CPED1: variants seen among roughly 807,000 people sequenced by gnomAD.
CPED1 encodes cadherin like and PC-esterase domain containing 1, also known as cadherin-like and PC-esterase domain-containing protein 1.
A neutral mutation model predicts 128.2 loss-of-function variants in CPED1; 114 were observed. That is an observed-to-expected ratio of 0.89 (90% CI 0.76 to 1.04). The LOEUF (loss-of-function observed/expected upper bound fraction) is 1.04. CPED1 is among the 50% of genes least tolerant of loss of function. The pLI is 0.00. For synonymous variants in CPED1, 462 were observed against 426.7 expected (o/e 1.08, Z -1.02); for missense variants, 1,211 against 1,207.1 (o/e 1.00, Z -0.05).
rs1796272256 is a variant in CPED1, at chr7:120,989,426, C to T, written c.-196C>T. The stretch of plus-strand genomic sequence containing the variant: ...TTTGACTGTCATCCATGGAAGAGCT[C>T]TTATTAAAAGCCTCAGACTTTCGGG... On this transcript the variant is annotated 5_prime_UTR_variant, in exon 2 of 23. Coordinates refer to ENST00000310396, the MANE Select transcript of CPED1 (RefSeq NM_024913.5). 9.8e-6 allele frequency: 6 copies of T among 610,250 alleles called. No individual in the cohort carries two copies. The highest frequency in any genetic ancestry group is 1.1e-5 in the Non-Finnish European group (4 of 352,546). The allele number at this position is 610,250 out of a possible 1,614,324, so 37.8% of individuals were successfully genotyped here.
chr7:121,081,699 A>G (rs141228436), intron 5 of CPED1, among the ~76,000 whole-genome samples: 2 of 152,334 alleles, frequency 1.3e-5, no homozygotes, highest in African/African-American at 4.8e-5. Context: ...AAGTAAGTGC[A>G]ACTTAGAGAT....
intron 22 of CPED1, among the ~76,000 whole-genome samples, chr7:121,283,230 C>T (rs909070834): frequency 6.6e-6 from 1 of 152,184 alleles, no homozygotes; most frequent in Non-Finnish European, 1.5e-5. Context: ...TTATATAGAA[C>T]TACCTTATTT....
chr7:121,102,120 A>G (rs1794864392), intron 7 of CPED1, among the ~76,000 whole-genome samples: 1 of 151,962 alleles, frequency 6.6e-6, no homozygotes, highest in Admixed American at 6.6e-5. Flanking sequence ...ATTTTTTACC[A>G]TATTTCCTCT....
At chr7:121,196,768 A>G (rs895878287) in intron 16 of CPED1, among the ~76,000 whole-genome samples, 11 of 152,040 alleles carry the variant, frequency 7.2e-5, no homozygotes, top group South Asian at 4.1e-4. Context: ...GACAGAGAAT[A>G]GATGAGACCG....
intron 16 of CPED1, among the ~76,000 whole-genome samples, chr7:121,191,396 G>C (rs1797135668): frequency 6.6e-6 from 1 of 152,134 alleles, no homozygotes; most frequent in Admixed American, 6.6e-5. Flanking sequence ...GATTTCGAAG[G>C]ACCAGTACAA....
chr7:121,273,767 G>T (rs1465377732), intron 22 of CPED1, among the ~76,000 whole-genome samples: 3 of 152,108 alleles, frequency 2.0e-5, no homozygotes, highest in African/African-American at 7.2e-5. Context: ...TTAAGCTGTA[G>T]GATACTGTGT....
chr7:121,143,120 A>C (rs1584544083), intron 16 of CPED1, among the ~76,000 whole-genome samples: 1 of 152,014 alleles, frequency 6.6e-6, no homozygotes, highest in East Asian at 1.9e-4. Flanking sequence ...CTAATTTAGG[A>C]ATTACCACTA....
intron 5 of CPED1, among the ~76,000 whole-genome samples, chr7:121,067,441 A>G (rs1793866082): frequency 6.6e-6 from 1 of 152,138 alleles, no homozygotes; most frequent in Non-Finnish European, 1.5e-5. Flanking sequence ...AAGGACATGA[A>G]TTCATCATTT....
At chr7:121,111,384 A>T (rs1795103907) in intron 7 of CPED1, among the ~76,000 whole-genome samples, 1 of 152,198 alleles carries the variant, frequency 6.6e-6, no homozygotes, top group Non-Finnish European at 1.5e-5. Flanking sequence ...TCCTGGTGTG[A>T]CAGGGAGGTT....
intron 7 of CPED1, among the ~76,000 whole-genome samples, chr7:121,101,228 T>C (rs1794842452): frequency 6.6e-6 from 1 of 152,044 alleles, no homozygotes; most frequent in Non-Finnish European, 1.5e-5. Flanking sequence ...TAATCACTTG[T>C]TCCCTTTTTT....
At chr7:121,056,192 G>A (rs1585043678) in intron 4 of CPED1, among the ~76,000 whole-genome samples, 1 of 152,182 alleles carries the variant, frequency 6.6e-6, no homozygotes, top group South Asian at 2.1e-4. Flanking sequence ...TAACTGAAAT[G>A]TTAGGAATGG....
chr7:121,236,819 G>A lies in CPED1; in HGVS notation c.2161G>A (p.Gly721Arg). Reference sequence around the variant, plus strand: ...GTCTGAACTAAAAAGATGTCCATCTGGGGACATGAAAGGTGACTATCACAT... The same window carrying A: ...GTCTGAACTAAAAAGATGTCCATCTAGGGACATGAAAGGTGACTATCACAT... Reference protein sequence around the residue: ...LQSELKRCPSGDMKGQWIVPC... With the variant: ...LQSELKRCPSRDMKGQWIVPC... Residue 721 changes from glycine (G) to arginine (R), a missense_variant, in exon 17 of 23, where the codon GGG (glycine) becomes AGG (arginine). Physicochemically the swap from Gly to Arg is moderately radical, Grantham distance 125. Coordinates refer to ENST00000310396, the MANE Select transcript of CPED1 (RefSeq NM_024913.5). 4 of 1,575,400 alleles carry A rather than the reference G, an allele frequency of 2.5e-6. No individual in the cohort carries two copies. In the South Asian group the frequency reaches 4.6e-5, roughly 18 times the overall value.
chr7:121,201,450 GA>G (rs1386791745), intron 16 of CPED1, among the ~76,000 whole-genome samples: 2 of 109,340 alleles, frequency 1.8e-5, no homozygotes, highest in Non-Finnish European at 3.8e-5. Flanking sequence ...GAAAGAGAAA[GA>G]GAGAAAGAGG....
chr7:121,088,889 G>C (rs1264140189), intron 5 of CPED1, among the ~76,000 whole-genome samples: 1 of 151,134 alleles, frequency 6.6e-6, no homozygotes, highest in Non-Finnish European at 1.5e-5. Flanking sequence ...AAATTAATTG[G>C]ATAATTCTTT....
chr7:121,276,293 TTA>T (rs1308411856), intron 22 of CPED1, among the ~76,000 whole-genome samples: 3 of 152,138 alleles, frequency 2.0e-5, no homozygotes, highest in South Asian at 2.1e-4. Flanking sequence ...CGACTTTTGC[TTA>T]TCTTTCTCCA....
At chr7:121,118,709 AC>A (rs1045031674) in intron 7 of CPED1, among the ~76,000 whole-genome samples, 1 of 152,170 alleles carries the variant, frequency 6.6e-6, no homozygotes, top group African/African-American at 2.4e-5. Flanking sequence ...TGCAGGTTGT[AC>A]AGGAAGTATG....
intron 22 of CPED1, among the ~76,000 whole-genome samples, chr7:121,284,110 C>T (rs1265840038): frequency 1.3e-5 from 2 of 152,136 alleles, no homozygotes; most frequent in African/African-American, 2.4e-5. Context: ...AAACTTACAA[C>T]TGGCAAAAGG....
chr7:121,147,990 G>T (rs541676369), intron 16 of CPED1, among the ~76,000 whole-genome samples: 19 of 152,102 alleles, frequency 1.2e-4, no homozygotes, highest in African/African-American at 4.1e-4. Flanking sequence ...ACCATAGAGG[G>T]CTATTATAAA....
At chr7:121,087,527 A>G (rs1300201573) in intron 5 of CPED1, among the ~76,000 whole-genome samples, 1 of 152,158 alleles carries the variant, frequency 6.6e-6, no homozygotes, top group African/African-American at 2.4e-5. Context: ...ATAATTTCCC[A>G]TTTTAACTTA....
Sources: gnomAD v4.1 joint callset for allele counts (sites outside exome capture counted in the v4.1 genomes callset) on GRCh38, gnomAD v4.1.1 for gene constraint, MANE v1.5 for transcripts, NCBI Gene and HGNC (gene_info 2026-07-23, HGNC 2026-07-21) for gene names.